The following FLNB variants were observed in gnomAD, a reference collection of about 807,000 sequenced individuals.
The protein encoded by FLNB is filamin B, also known as filamin-B.
In FLNB, 111 loss-of-function variants were observed where a neutral mutation model predicts 250.6. The ratio of observed to expected loss-of-function variants is 0.44; its 90% CI spans 0.38 to 0.52. The LOEUF is 0.52. FLNB is among the 20% of genes least tolerant of loss of function. The probability of loss-of-function intolerance (pLI) is 0.00; values close to 1 mark genes in which losing one functional copy is unlikely to be tolerated. For synonymous variants in FLNB, 1,302 were observed against 1,372.1 expected, an observed-to-expected ratio of 0.95 and a Z score of 1.13; for missense variants, 2,869 against 3,447.8, an observed-to-expected ratio of 0.83 and a Z score of 4.20.
At chr3:58,050,533 T>C (rs1202788647) in intron 1 of FLNB, among the ~76,000 whole-genome samples, 1 of 152,140 alleles carries the variant, frequency 6.6e-6, no homozygotes, top group Non-Finnish European at 1.5e-5. Context: ...TGGTTCAGAT[T>C]TCTCTGGGCC....
Position 58,055,401 on chromosome 3 carries a change from C to T in FLNB, c.293-21645C>T, listed in dbSNP as rs138443581. ...GTATTTATGGCCTAAGAGGATAACT[C>T]GTGGTGGTGGGCGGGCCATATTTGT... On this transcript the variant is annotated intron_variant, in intron 1 of 45. Transcript: ENST00000295956. Among the ~76,000 whole-genome samples, 357 of 152,234 alleles carry T rather than the reference C, an allele frequency of 2.3e-3. 2 individuals are homozygous for T. Among genetic ancestry groups the T allele is most frequent in the African/African-American group, 8.2e-3 (339 of 41,568 alleles).
At chr3:58,099,354 C>T (rs1001639811) in intron 8 of FLNB, among the ~76,000 whole-genome samples, 4 of 152,182 alleles carry the variant, frequency 2.6e-5, no homozygotes, top group African/African-American at 9.7e-5. Flanking sequence ...TTATCCCTAG[C>T]TTGCAGGTGG....
At chr3:58,016,848 A>G (rs1221966155) in intron 1 of FLNB, among the ~76,000 whole-genome samples, 1 of 152,214 alleles carries the variant, frequency 6.6e-6, no homozygotes, top group African/African-American at 2.4e-5. Flanking sequence ...TTTAATCTAA[A>G]TGGGGCTATT....
chr3:58,078,129 A>AT (rs1167538890), intron 2 of FLNB: 1 of 293,074 alleles, frequency 3.4e-6, no homozygotes, highest in Non-Finnish European at 5.1e-6. Flanking sequence ...TTGAGAGCCT[A>AT]TAAGTTGGTG....
rs4681660 is a variant in FLNB, at chr3:58,170,449, G to A, written c.7622-126G>A. 0.67 allele frequency: 561,660 copies of A among 832,140 alleles called. 194,790 individuals are homozygous for A. Among genetic ancestry groups the A allele is most frequent in the East Asian group, 1 (37,441 of 37,486 alleles). 51.5% of individuals were successfully genotyped at this position (832,140 alleles called of 1,614,324 possible). On this transcript the variant is annotated intron_variant, in intron 45 of 45. Coordinates refer to ENST00000295956, the MANE Select transcript of FLNB (RefSeq NM_001457.4). ...ATGAGCCTCTGCTTGTAATTGCCACGCTCTCCCACCTCTTAGGGGCCCCAG... is the reference window on the plus strand; with the variant it reads ...ATGAGCCTCTGCTTGTAATTGCCACACTCTCCCACCTCTTAGGGGCCCCAG...
At position 58,163,269 on chromosome 3, in the gene FLNB, A is replaced by G. The variant is rs2097364659; in HGVS notation, c.7137A>G (p.Gly2379=). ...SPFKVRVGEP[G]QAGNPALVSA... ...TCAAAGTGCGCGTTGGGGAGCCTGGACAAGCGGGGAACCCTGCCCTGGTGT... is the reference window on the plus strand; with the variant it reads ...TCAAAGTGCGCGTTGGGGAGCCTGGGCAAGCGGGGAACCCTGCCCTGGTGT... The change falls in exon 43 of 46, where the codon GGA becomes GGG. Residue 2379 remains glycine (G), a synonymous_variant. Coordinates refer to ENST00000295956, the MANE Select transcript of FLNB (RefSeq NM_001457.4). 1 of 1,614,104 alleles carries G rather than the reference A, an allele frequency of 6.2e-7. No homozygotes were observed. Among genetic ancestry groups the G allele is most frequent in the Non-Finnish European group, 8.5e-7 (1 of 1,180,040 alleles).
At chr3:58,075,941 C>T (rs2097201086) in intron 1 of FLNB, among the ~76,000 whole-genome samples, 1 of 151,830 alleles carries the variant, frequency 6.6e-6, no homozygotes, top group Non-Finnish European at 1.5e-5. Context: ...AAGGCAAGGG[C>T]AGGGAAAGTG....
intron 18 of FLNB, 112 bp from the exon 19 acceptor site, chr3:58,118,759 TG>T: frequency 6.2e-6 from 5 of 810,512 alleles, no homozygotes; most frequent in Non-Finnish European, 1.1e-5. Flanking sequence ...CTACATTGAT[TG>T]GAATCAAGTC....
chr3:58,067,754 G>A (rs148393308), intron 1 of FLNB, among the ~76,000 whole-genome samples: 1 of 151,862 alleles, frequency 6.6e-6, no homozygotes, highest in East Asian at 1.9e-4. Flanking sequence ...CCACCATCAC[G>A]CCCGGCTAAT....
At chr3:58,160,611 G>A (rs1003663831) in intron 42 of FLNB, among the ~76,000 whole-genome samples, 1 of 152,188 alleles carries the variant, frequency 6.6e-6, no homozygotes, top group Non-Finnish European at 1.5e-5. Context: ...CATTTGATGT[G>A]GGCCTTGATG....
At chr3:58,141,698 A>G (rs2097327403) in intron 29 of FLNB, among the ~76,000 whole-genome samples, 160 bp from the exon 30 acceptor site, 1 of 152,228 alleles carries the variant, frequency 6.6e-6, no homozygotes, top group African/African-American at 2.4e-5. Flanking sequence ...GAGGACACCA[A>G]CTGCCTTCCA....
In FLNB at chr3:58,112,263, A is replaced by C; in HGVS notation, c.2690A>C (p.Asp897Ala). Residue 897 changes from aspartate to alanine, a missense_variant, in exon 18 of 46, where the codon GAT becomes GCT. By Grantham distance (126) the Asp-to-Ala change is moderately radical. Coordinates refer to ENST00000295956, the MANE Select transcript of FLNB (RefSeq NM_001457.4). ...PLPGDAVKDL[D>A]IIDNYDYSHT... is the part of the protein sequence containing the mutation. ...CCTGGCGATGCAGTGAAGGATTTGG[A>C]TATCATCGATAATTATGACTACTCT... 1 of 1,614,010 alleles carries C rather than the reference A, an allele frequency of 6.2e-7. No individual in the cohort carries two copies.
intron 1 of FLNB, among the ~76,000 whole-genome samples, chr3:58,049,773 G>A (rs938162224): frequency 1.3e-5 from 2 of 152,194 alleles, no homozygotes; most frequent in Non-Finnish European, 2.9e-5. Context: ...TGCAAAGGGG[G>A]TGTCAGGACT....
chr3:58,070,354 A>G (rs2097192354), intron 1 of FLNB, among the ~76,000 whole-genome samples: 2 of 152,054 alleles, frequency 1.3e-5, no homozygotes, highest in African/African-American at 4.8e-5. Context: ...GACACTTGGC[A>G]TTCTCTAACC....
chr3:58,119,290 G>A lies in FLNB; in HGVS notation c.2863+301G>A, dbSNP rs538748885. ...TATATGAGCTAATGGTTCAGAGGCT[G>A]GCACGTAGTCAGCCCCCTGGCATTG... On this transcript the variant is annotated intron_variant, in intron 19 of 45. Coordinates refer to ENST00000295956, the MANE Select transcript of FLNB (RefSeq NM_001457.4). Among the ~76,000 whole-genome samples the A allele has an allele frequency of 2.0e-5, 3 of 152,234 alleles. No individual in the cohort carries two copies. The South Asian group carries it at 6.2e-4, about 32-fold the overall frequency.
At chr3:58,144,793 C>A (rs2097333173) in intron 32 of FLNB, among the ~76,000 whole-genome samples, 1 of 152,186 alleles carries the variant, frequency 6.6e-6, no homozygotes, top group Non-Finnish European at 1.5e-5. Context: ...TGGAGCTTTG[C>A]CAGTCTGATG....
chr3:58,067,544 A>G (rs530004513), intron 1 of FLNB, among the ~76,000 whole-genome samples: 365 of 149,722 alleles, frequency 2.4e-3, no homozygotes, highest in African/African-American at 8.6e-3. Context: ...ACATCCCCAC[A>G]TTATAGTTTA....
chr3:58,109,884 C>T, intron 15 of FLNB, 126 bp from the exon 16 acceptor site: 8 of 1,436,318 alleles, frequency 5.6e-6, no homozygotes, highest in South Asian at 4.6e-5. Context: ...CAAATCCTTA[C>T]TCTTTCTCAG....
At chr3:58,100,326 C>G (rs2097247672) in intron 8 of FLNB, among the ~76,000 whole-genome samples, 1 of 133,476 alleles carries the variant, frequency 7.5e-6, no homozygotes, top group Non-Finnish European at 1.6e-5. Flanking sequence ...TTTTAATTTA[C>G]TAACATCCTC....
Sources: gnomAD v4.1 joint callset for allele counts (sites outside exome capture counted in the v4.1 genomes callset) on GRCh38, gnomAD v4.1.1 for gene constraint, MANE v1.5 for transcripts, NCBI Gene and HGNC (gene_info 2026-07-23, HGNC 2026-07-21) for gene names.